Variants in PRH1 observed in about 807,000 individuals in gnomAD.
PRH1 encodes proline rich protein HaeIII subfamily 1.
PRH1 carries 7 observed loss-of-function variants against 7.9 expected under a neutral mutation model. That is an observed-to-expected ratio of 0.89 (90% CI 0.50 to 1.67). The LOEUF is 1.67. PRH1 is among the 40% of genes most tolerant of loss of function. The pLI is 0.00. For synonymous variants in PRH1, 45 were observed against 80.8 expected, an observed-to-expected ratio of 0.56 and a Z score of 2.38; for missense variants, 109 against 223.6, an observed-to-expected ratio of 0.49 and a Z score of 3.27.
intron 2 of PRH1, chr12:10,908,927 C>T: frequency 6.2e-7 from 1 of 1,613,216 alleles, no homozygotes; most frequent in African/African-American, 1.3e-5. Flanking sequence ...TGTTTACTCT[C>T]CACTTCAAAT....
intron 2 of PRH1, chr12:10,891,433 TC>T (rs1164389504): frequency 1.3e-5 from 2 of 152,198 alleles, no homozygotes; most frequent in African/African-American, 4.8e-5. Context: ...TTCAACCACT[TC>T]CCAATCCTCC....
intron 2 of PRH1, among the ~76,000 whole-genome samples, chr12:10,960,526 A>C (rs748903733): frequency 6.6e-6 from 1 of 152,184 alleles, no homozygotes; most frequent in East Asian, 1.9e-4. Context: ...TTAAATCTAC[A>C]CCCTTTGTGA....
chr12:11,111,713 G>T (rs1483593810), intron 1 of PRH1, among the ~76,000 whole-genome samples: 1 of 152,086 alleles, frequency 6.6e-6, no homozygotes, highest in Non-Finnish European at 1.5e-5. Context: ...AAGATCTAAA[G>T]TTGACACCCT....
chr12:11,114,697 A>C (rs908874434), intron 1 of PRH1, among the ~76,000 whole-genome samples: 1 of 152,210 alleles, frequency 6.6e-6, no homozygotes, highest in African/African-American at 2.4e-5. Context: ...CATACACAGT[A>C]CAATAAGAAA....
intron 1 of PRH1, among the ~76,000 whole-genome samples, chr12:10,993,381 T>G (rs1481507196): frequency 1.3e-5 from 2 of 152,146 alleles, no homozygotes; most frequent in African/African-American, 4.8e-5. Context: ...AATATTGCAT[T>G]AACTGTTACC....
chr12:11,130,649 A>G (rs1946314766), intron 1 of PRH1, among the ~76,000 whole-genome samples: 1 of 129,328 alleles, frequency 7.7e-6, no homozygotes, highest in African/African-American at 2.7e-5. Context: ...GACTCTGTGC[A>G]TGTCTCTGAC....
chr12:10,949,977 T>C (rs1950544830), intron 2 of PRH1, among the ~76,000 whole-genome samples: 1 of 152,232 alleles, frequency 6.6e-6, no homozygotes, highest in Non-Finnish European at 1.5e-5. Flanking sequence ...AATTGAATTA[T>C]ATTGAATATT....
At chr12:11,133,598 G>A (rs1325363595) in intron 1 of PRH1, 1 of 1,614,262 alleles carries the variant, frequency 6.2e-7, no homozygotes, top group Non-Finnish European at 8.5e-7. Flanking sequence ...GGGATCTTGA[G>A]ATCCTTTGCC....
At chr12:11,169,797 T>A (rs2136483606) in intron 1 of PRH1, among the ~76,000 whole-genome samples, 1 of 152,318 alleles carries the variant, frequency 6.6e-6, no homozygotes, top group East Asian at 1.9e-4. Context: ...TTTTAGAAGT[T>A]GTCATAAGTA....
chr12:11,100,498 C>T (rs1945202440), intron 1 of PRH1, among the ~76,000 whole-genome samples: 1 of 152,182 alleles, frequency 6.6e-6, no homozygotes, highest in Non-Finnish European at 1.5e-5. Context: ...CTCAAAATGT[C>T]ATTTCAATTA....
At chr12:11,021,391 A>G (rs187963305) in intron 1 of PRH1, among the ~76,000 whole-genome samples, 4 of 151,824 alleles carry the variant, frequency 2.6e-5, no homozygotes, top group Admixed American at 2.6e-4. Flanking sequence ...ATGAAATACT[A>G]TACAATGAAC....
chr12:11,033,680 A>G (rs1159050334), intron 1 of PRH1, among the ~76,000 whole-genome samples: 1 of 152,202 alleles, frequency 6.6e-6, no homozygotes, highest in Non-Finnish European at 1.5e-5. Context: ...TCATGTTGCA[A>G]CTAAATAAGA....
chr12:10,993,324 G>A (rs7310233), intron 1 of PRH1, among the ~76,000 whole-genome samples: 46,322 of 152,090 alleles, frequency 0.3, 8,917 homozygotes, highest in East Asian at 0.74. Context: ...TCTGTTTTCA[G>A]TTTAATTGGC....
At chr12:10,922,432 T>C (rs1445944733) in intron 2 of PRH1, among the ~76,000 whole-genome samples, 1 of 152,216 alleles carries the variant, frequency 6.6e-6, no homozygotes, top group Non-Finnish European at 1.5e-5. Flanking sequence ...TTATAGAGAA[T>C]AGTTCAATTT....
intron 1 of PRH1, among the ~76,000 whole-genome samples, chr12:10,979,840 G>T (rs984977498): frequency 6.6e-6 from 1 of 152,014 alleles, no homozygotes; most frequent in East Asian, 1.9e-4. Context: ...GAGAAAACGT[G>T]GACTCTATGT....
At chr12:10,998,820 G>A (rs1940432929) in intron 1 of PRH1, among the ~76,000 whole-genome samples, 1 of 152,014 alleles carries the variant, frequency 6.6e-6, no homozygotes, top group African/African-American at 2.4e-5. Flanking sequence ...CTTGCACTAG[G>A]GCTCTGAGTT....
At chr12:11,002,190 CA>C (rs1565539284) in intron 1 of PRH1, among the ~76,000 whole-genome samples, 1 of 151,948 alleles carries the variant, frequency 6.6e-6, no homozygotes, top group African/African-American at 2.4e-5. Flanking sequence ...GTAAACATTT[CA>C]AAAATAAATC....
intron 1 of PRH1, among the ~76,000 whole-genome samples, chr12:11,122,597 C>G (rs192771625): frequency 5.3e-4 from 81 of 152,364 alleles, no homozygotes; most frequent in Non-Finnish European, 7.8e-4. Context: ...AAAGAAAAAC[C>G]TGTTGAAAAA....
At chr12:10,961,700 A>G (rs182716773) in intron 2 of PRH1, among the ~76,000 whole-genome samples, 74 of 152,316 alleles carry the variant, frequency 4.9e-4, no homozygotes, top group Non-Finnish European at 8.2e-4. Context: ...AACGGACTGG[A>G]TGATGGAAAG....
Sources: allele counts gnomAD v4.1 joint callset (sites outside exome capture counted in the v4.1 genomes callset), GRCh38; gene constraint gnomAD v4.1.1; transcripts MANE v1.5; gene names NCBI Gene and HGNC (gene_info 2026-07-23, HGNC 2026-07-21).